CERS6: variants seen among roughly 807,000 people sequenced by gnomAD.
CERS6 encodes the protein LAG1 homolog, ceramide synthase 6.
A neutral mutation model predicts 56.8 loss-of-function variants in CERS6; 26 were observed. That is an observed-to-expected ratio of 0.46 (90% CI 0.34 to 0.63). The LOEUF (loss-of-function observed/expected upper bound fraction) is 0.63. Among genes scored for constraint, CERS6 ranks in the 30% least tolerant of loss-of-function variants. CERS6 has a pLI of 0.01. For synonymous variants in CERS6, 164 were observed against 173.3 expected, an observed-to-expected ratio of 0.95 and a Z score of 0.42; for missense variants, 415 against 467.5, an observed-to-expected ratio of 0.89 and a Z score of 1.04.
At chr2:168,664,121 C>T (rs950718577) in intron 4 of CERS6, among the ~76,000 whole-genome samples, 2 of 152,216 alleles carry the variant, frequency 1.3e-5, no homozygotes, top group Admixed American at 6.5e-5. Context: ...TTCTCCTTTT[C>T]TTCTTAGCTG....
At position 168,596,786 on chromosome 2, in the gene CERS6, C is replaced by T. The variant is rs539122756; in HGVS notation, c.408-34199C>T. Among the ~76,000 whole-genome samples, 7 of 152,178 alleles carry T rather than the reference C, an allele frequency of 4.6e-5. No individual in the cohort carries two copies. The East Asian group carries it at 9.7e-4, about 21-fold the overall frequency. ...GGCCAGGCTGATCATGAACGCTTGG[C>T]GTCCCAAAGTGCTGGAATTACAGGT... On this transcript the variant is annotated intron_variant, in intron 3 of 9. Transcript: ENST00000305747.
chr2:168,532,786 G>C (rs1020397564), intron 1 of CERS6, among the ~76,000 whole-genome samples: 1 of 152,244 alleles, frequency 6.6e-6, no homozygotes, highest in South Asian at 2.1e-4. Flanking sequence ...AGAATATAAA[G>C]TAAGCCATAA....
intron 8 of CERS6, among the ~76,000 whole-genome samples, chr2:168,748,936 CCTTT>C (rs1211963851): frequency 2.6e-5 from 4 of 151,904 alleles, no homozygotes; most frequent in Non-Finnish European, 4.4e-5. Flanking sequence ...TCTCTTGTGT[CCTTT>C]CTGTCTGCCC....
intron 3 of CERS6, among the ~76,000 whole-genome samples, chr2:168,574,086 G>A (rs976765201): frequency 1.3e-5 from 2 of 152,142 alleles, no homozygotes; most frequent in African/African-American, 4.8e-5. Context: ...CATTGAGATA[G>A]TATTGCTCTA....
intron 1 of CERS6, among the ~76,000 whole-genome samples, chr2:168,516,277 A>G (rs572920656): frequency 9.9e-5 from 15 of 152,154 alleles, no homozygotes; most frequent in Non-Finnish European, 2.1e-4. Flanking sequence ...AACCCTATAG[A>G]TCACTTAGGG....
At chr2:168,488,998 T>G (rs1481256315) in intron 1 of CERS6, among the ~76,000 whole-genome samples, 1 of 152,194 alleles carries the variant, frequency 6.6e-6, no homozygotes, top group Non-Finnish European at 1.5e-5. Flanking sequence ...TATTTATTAT[T>G]TCTGTTTTTT....
intron 4 of CERS6, among the ~76,000 whole-genome samples, chr2:168,676,999 C>CTTTTTTTTTTTTTTTGGGGT (rs59600302): frequency 1.6e-4 from 15 of 96,482 alleles, no homozygotes; most frequent in East Asian, 6.1e-4. Flanking sequence ...TTTTTTGGGG[C>CTTTTTTTTTTTTTTTGGGGT]TTTTTTTTTT....
intron 8 of CERS6, among the ~76,000 whole-genome samples, chr2:168,754,596 T>TA (rs1187184209): frequency 2.0e-5 from 3 of 152,130 alleles, no homozygotes; most frequent in Non-Finnish European, 4.4e-5. Context: ...CCTGAAGAGT[T>TA]AAATACTGGG....
chr2:168,497,006 G>T (rs1305204544), intron 1 of CERS6, among the ~76,000 whole-genome samples: 1 of 152,166 alleles, frequency 6.6e-6, no homozygotes, highest in East Asian at 1.9e-4. Context: ...TATCCATTCT[G>T]CCATTTCTAA....
intron 4 of CERS6, among the ~76,000 whole-genome samples, chr2:168,681,547 G>A (rs1686216698): frequency 2.0e-5 from 3 of 152,072 alleles, no homozygotes; most frequent in Admixed American, 1.3e-4. Flanking sequence ...GGGGTACGGT[G>A]TGATAGTTCA....
At chr2:168,751,210 G>A (rs1349780221) in intron 8 of CERS6, among the ~76,000 whole-genome samples, 1 of 152,118 alleles carries the variant, frequency 6.6e-6, no homozygotes, top group Non-Finnish European at 1.5e-5. Context: ...CTTATTTACT[G>A]CAATACTAAC....
At chr2:168,507,680 T>A (rs1042879038) in intron 1 of CERS6, among the ~76,000 whole-genome samples, 5 of 152,162 alleles carry the variant, frequency 3.3e-5, no homozygotes, top group Non-Finnish European at 2.9e-5. Context: ...ATCTTGTTCC[T>A]TATCAAATCT....
At chr2:168,557,611 C>A (rs1695708116) in intron 2 of CERS6, among the ~76,000 whole-genome samples, 1 of 152,110 alleles carries the variant, frequency 6.6e-6, no homozygotes, top group Non-Finnish European at 1.5e-5. Flanking sequence ...TTCATTCCTC[C>A]TACTCAATAC....
Position 168,775,097 on chromosome 2 carries a change from G to A in CERS6, c.*5435G>A, listed in dbSNP as rs1237868398. ...TTATTATGAGGATCATTTTACTTTG[G>A]AAACACTTTCATAATAAAGATAAGT... On this transcript the variant is annotated 3_prime_UTR_variant, in exon 10 of 10. Transcript: ENST00000305747. 3 of 152,168 alleles carry A rather than the reference G, an allele frequency of 2.0e-5. No homozygotes were observed. The highest frequency in any genetic ancestry group is 4.4e-5 in the Non-Finnish European group (3 of 67,996). The allele number at this position is 152,168 out of a possible 1,614,324, so 9.4% of individuals were successfully genotyped here. A position where few individuals can be genotyped will look rare whatever the true frequency, so the allele number is the denominator to read the frequency against.
At chr2:168,729,386 T>G (rs912077705) in intron 8 of CERS6, among the ~76,000 whole-genome samples, 1 of 152,202 alleles carries the variant, frequency 6.6e-6, no homozygotes, top group African/African-American at 2.4e-5. Flanking sequence ...TACAGCACAG[T>G]TATATACCAG....
intron 8 of CERS6, among the ~76,000 whole-genome samples, chr2:168,730,789 A>G (rs1683508851): frequency 6.6e-6 from 1 of 152,198 alleles, no homozygotes; most frequent in South Asian, 2.1e-4. Flanking sequence ...TTTATATTCT[A>G]CAGTCTGCAG....
Position 168,578,187 on chromosome 2 carries a change from TA to T in CERS6, c.407+16867del, listed in dbSNP as rs201375986. ...AACCAGTAAACTTTTTTTTTTTTTTTAATCATTTCCACATTGTTTACAGGAA... is the reference window on the plus strand; with the variant it reads ...AACCAGTAAACTTTTTTTTTTTTTTTATCATTTCCACATTGTTTACAGGAA... On this transcript the variant is annotated intron_variant, in intron 3 of 9. Coordinates refer to ENST00000305747, the MANE Select transcript of CERS6 (RefSeq NM_203463.3). 7.9e-5 allele frequency among the ~76,000 whole-genome samples: 12 copies of T among 151,880 alleles called. No individual in the cohort carries two copies. The East Asian group carries it at 1.7e-3, about 22-fold the overall frequency.
chr2:168,574,361 C>T (rs965754259), intron 3 of CERS6, among the ~76,000 whole-genome samples: 7 of 147,760 alleles, frequency 4.7e-5, no homozygotes, highest in Admixed American at 6.8e-5. Flanking sequence ...TTACGTGGCT[C>T]AATAAGTTTT....
At chr2:168,471,817 T>A (rs2390720) in intron 1 of CERS6, among the ~76,000 whole-genome samples, 2,834 of 152,262 alleles carry the variant, frequency 0.019, 225 homozygotes, top group Admixed American at 0.14. Context: ...AATCTAAGAG[T>A]CCGGCTGCTG....
Sources: gnomAD v4.1 joint callset for allele counts (sites outside exome capture counted in the v4.1 genomes callset) on GRCh38, gnomAD v4.1.1 for gene constraint, MANE v1.5 for transcripts, NCBI Gene and HGNC (gene_info 2026-07-23, HGNC 2026-07-21) for gene names.